The following DGKH variants were observed in gnomAD, a reference collection of about 807,000 sequenced individuals.
DGKH encodes the protein diacylglycerol kinase eta.
Under a neutral mutation model 159.3 loss-of-function variants are expected in DGKH, and 90 were observed. That is an observed-to-expected ratio of 0.57 (90% CI 0.48 to 0.67). DGKH has a LOEUF of 0.67. Ranked by LOEUF, DGKH falls within the 30% of genes least tolerant of loss-of-function variation. DGKH has a pLI of 0.00. For missense variants in DGKH, 1,181 were observed against 1,506.1 expected (o/e 0.78, Z 3.57); for synonymous variants, 536 against 553.8 (o/e 0.97, Z 0.45).
chr13:42,223,574 C>A (rs1241916610), intron 29 of DGKH, among the ~76,000 whole-genome samples: 1 of 152,020 alleles, frequency 6.6e-6, no homozygotes, highest in Non-Finnish European at 1.5e-5. Flanking sequence ...ATCTGGCTAA[C>A]ACAATGAAAC....
At chr13:42,062,345 A>G (rs1317614350) in intron 1 of DGKH, among the ~76,000 whole-genome samples, 1 of 152,096 alleles carries the variant, frequency 6.6e-6, no homozygotes, top group Non-Finnish European at 1.5e-5. Flanking sequence ...TATATTCCAC[A>G]CTGTGTATTA....
intron 1 of DGKH, among the ~76,000 whole-genome samples, chr13:42,063,665 T>G (rs1882345021): frequency 6.6e-6 from 1 of 151,888 alleles, no homozygotes; most frequent in East Asian, 1.9e-4. Context: ...GCTGGCCGGA[T>G]GTGGTGGCTC....
intron 21 of DGKH, among the ~76,000 whole-genome samples, chr13:42,207,695 G>GTATATATATATATATATA (rs55668821): frequency 1.4e-5 from 2 of 140,278 alleles, no homozygotes; most frequent in Admixed American, 7.3e-5. Flanking sequence ...ATTAAAGTGT[G>GTATATATATATATATATA]TATATATATA....
At chr13:42,102,948 A>G (rs1031754973) in intron 1 of DGKH, among the ~76,000 whole-genome samples, 1 of 152,214 alleles carries the variant, frequency 6.6e-6, no homozygotes, top group Non-Finnish European at 1.5e-5. Context: ...GTTTGATGAG[A>G]GTACAGAATG....
chr13:42,111,515 G>A (rs1258174310), intron 1 of DGKH, among the ~76,000 whole-genome samples: 2 of 152,176 alleles, frequency 1.3e-5, no homozygotes, highest in Non-Finnish European at 2.9e-5. Context: ...GGGAGGCGGA[G>A]GTTGCAGTGA....
intron 20 of DGKH, 82 bp downstream of exon 20, chr13:42,199,991 C>G: frequency 8.7e-7 from 1 of 1,146,956 alleles, no homozygotes; most frequent in South Asian, 1.6e-5. Flanking sequence ...GACCTAAATG[C>G]GTTTTGATTA....
At chr13:42,207,693 G>A (rs374262405) in intron 21 of DGKH, among the ~76,000 whole-genome samples, 40 of 126,530 alleles carry the variant, frequency 3.2e-4, no homozygotes, top group African/African-American at 1.0e-3. Flanking sequence ...TTATTAAAGT[G>A]TGTATATATA....
rs1368167028 is a variant in DGKH, at chr13:42,238,434, A to AT, written c.*9252dup. 6.6e-6 allele frequency: 1 copy of AT among 152,174 alleles called. No homozygotes were observed. The highest frequency in any genetic ancestry group is 1.5e-5 in the Non-Finnish European group (1 of 68,006). 9.4% of individuals were successfully genotyped at this position (152,174 alleles called of 1,614,324 possible). A position where few individuals can be genotyped will look rare whatever the true frequency, so the allele number is the denominator to read the frequency against. On this transcript the variant is annotated 3_prime_UTR_variant, in exon 30 of 30. Transcript: ENST00000337343. ...ATCTTCAAAAATTTTGAATAGTTTC[A>AT]TTTTTTCAATACTTAAGCCAAATGA...
chr13:42,245,379 G>A (rs1325139980), downstream of DGKH, among the ~76,000 whole-genome samples: 1 of 152,138 alleles, frequency 6.6e-6, no homozygotes, highest in Non-Finnish European at 1.5e-5. Flanking sequence ...TTATCTATTT[G>A]TTGAATAAAT....
Position 42,239,433 on chromosome 13 carries a change from G to A in DGKH, c.*10245G>A, listed in dbSNP as rs1958476871. 6.6e-6 allele frequency: 1 copy of A among 152,478 alleles called. No homozygotes were observed. The highest frequency in any genetic ancestry group is 2.1e-4 in the South Asian group (1 of 4,828). The allele number at this position is 152,478 out of a possible 1,614,324, so 9.4% of individuals were successfully genotyped here. ...AACACAAATGCTTAATCTTAATCTT[G>A]GCTTTGGATTTTGTAAGCAAAAGCA... On this transcript the variant is annotated 3_prime_UTR_variant, in exon 30 of 30. Coordinates refer to ENST00000337343, the MANE Select transcript of DGKH (RefSeq NM_178009.5).
intron 1 of DGKH, among the ~76,000 whole-genome samples, chr13:42,097,435 T>C (rs1954563206): frequency 6.6e-6 from 1 of 152,226 alleles, no homozygotes; most frequent in African/African-American, 2.4e-5. Context: ...TGTCCGTCAC[T>C]GTTTAATCAA....
intron 1 of DGKH, among the ~76,000 whole-genome samples, chr13:42,056,703 C>T (rs1297127282): frequency 1.3e-5 from 2 of 152,182 alleles, no homozygotes; most frequent in East Asian, 1.9e-4. Flanking sequence ...GCCTTGCTTT[C>T]GGTAGCCCTG....
intron 21 of DGKH, among the ~76,000 whole-genome samples, chr13:42,207,678 C>A (rs1329778338): frequency 2.0e-5 from 2 of 99,940 alleles, no homozygotes; most frequent in African/African-American, 7.1e-5. Flanking sequence ...AAAGAGAGGG[C>A]ACAATTATTA....
intron 1 of DGKH, among the ~76,000 whole-genome samples, chr13:42,087,554 A>G (rs1345188912): frequency 6.6e-6 from 1 of 152,014 alleles, no homozygotes; most frequent in Non-Finnish European, 1.5e-5. Context: ...TCAAGGAGGT[A>G]AAAAAAACAT....
At chr13:42,156,376 G>T (rs1354188892) in intron 5 of DGKH, among the ~76,000 whole-genome samples, 1 of 151,960 alleles carries the variant, frequency 6.6e-6, no homozygotes, top group Non-Finnish European at 1.5e-5. Flanking sequence ...CCTAGTAGCT[G>T]GGACTACAGT....
intron 1 of DGKH, among the ~76,000 whole-genome samples, chr13:42,120,145 A>G (rs1955042096): frequency 6.6e-6 from 1 of 152,198 alleles, no homozygotes; most frequent in African/African-American, 2.4e-5. Context: ...TGTGGGTGCT[A>G]ATTGAGCTTT....
At chr13:42,053,764 G>A (rs1038359465) in intron 1 of DGKH, among the ~76,000 whole-genome samples, 4 of 151,906 alleles carry the variant, frequency 2.6e-5, no homozygotes, top group Admixed American at 6.6e-5. Flanking sequence ...GACTACAGGC[G>A]CATGCCACCA....
At chr13:42,054,588 G>A (rs192154787) in intron 1 of DGKH, among the ~76,000 whole-genome samples, 18 of 152,300 alleles carry the variant, frequency 1.2e-4, no homozygotes, top group African/African-American at 4.1e-4. Flanking sequence ...ACTAAGAAGG[G>A]GAGGGTGCTG....
intron 1 of DGKH, among the ~76,000 whole-genome samples, chr13:42,096,327 G>A (rs1452554360): frequency 6.6e-6 from 1 of 152,060 alleles, no homozygotes; most frequent in African/African-American, 2.4e-5. Context: ...ACTTATAAAT[G>A]AGAACAGGCA....
Sources: allele counts gnomAD v4.1 joint callset (sites outside exome capture counted in the v4.1 genomes callset), GRCh38; gene constraint gnomAD v4.1.1; transcripts MANE v1.5; gene names NCBI Gene and HGNC (gene_info 2026-07-23, HGNC 2026-07-21).